PIAS2: variants seen among roughly 807,000 people sequenced by gnomAD.
PIAS2 encodes protein inhibitor of activated STAT 2.
PIAS2 carries 19 observed loss-of-function variants against 69.7 expected under a neutral mutation model. The observed-to-expected ratio is 0.27, with a 90% CI of 0.19 to 0.40. The LOEUF (loss-of-function observed/expected upper bound fraction) is 0.40. Ranked by LOEUF, PIAS2 falls within the 10% of genes least tolerant of loss-of-function variation. The pLI is 1.00. For synonymous variants in PIAS2, 261 were observed against 263.2 expected, an observed-to-expected ratio of 0.99 and a Z score of 0.08; for missense variants, 624 against 757.0, an observed-to-expected ratio of 0.82 and a Z score of 2.06.
At chr18:46,885,206 G>C (rs927385236) in intron 2 of PIAS2, among the ~76,000 whole-genome samples, 1 of 152,074 alleles carries the variant, frequency 6.6e-6, no homozygotes, top group Non-Finnish European at 1.5e-5. Context: ...ATATACTAAT[G>C]TATCTTCTTA....
chr18:46,911,904 A>G (rs1342605721), intron 1 of PIAS2, among the ~76,000 whole-genome samples: 1 of 152,190 alleles, frequency 6.6e-6, no homozygotes, highest in African/African-American at 2.4e-5. Flanking sequence ...TACAAAAATT[A>G]GCCAGGCATG....
At chr18:46,849,011 G>T (rs2046579427) in intron 5 of PIAS2, among the ~76,000 whole-genome samples, 1 of 152,156 alleles carries the variant, frequency 6.6e-6, no homozygotes, top group African/African-American at 2.4e-5. Context: ...AGATAATTCT[G>T]TCTGCTGGTA....
intron 5 of PIAS2, among the ~76,000 whole-genome samples, chr18:46,855,092 C>A (rs2047542488): frequency 8.5e-6 from 1 of 116,970 alleles, no homozygotes; most frequent in Non-Finnish European, 1.7e-5. Flanking sequence ...CACAGTAGGA[C>A]CTTGTCTCTT....
intron 8 of PIAS2, among the ~76,000 whole-genome samples, chr18:46,843,493 T>C (rs2045723281): frequency 6.6e-6 from 1 of 152,194 alleles, no homozygotes; most frequent in Non-Finnish European, 1.5e-5. Flanking sequence ...GGTTTTATTT[T>C]TCAAACTCAA....
chr18:46,813,172 C>T (rs752826719), intron 13 of PIAS2, among the ~76,000 whole-genome samples: 1 of 152,126 alleles, frequency 6.6e-6, no homozygotes, highest in African/African-American at 2.4e-5. Context: ...CATTCTAAAA[C>T]ACAGACTACA....
At chr18:46,815,210 T>C (rs909782829) in intron 13 of PIAS2, 102 bp downstream of exon 13, 6 of 883,436 alleles carry the variant, frequency 6.8e-6, no homozygotes, top group South Asian at 6.0e-5. Flanking sequence ...TGTAAGTAAT[T>C]CAGAGATGAC....
intron 5 of PIAS2, among the ~76,000 whole-genome samples, chr18:46,848,486 G>C (rs191135063): frequency 6.6e-6 from 1 of 151,992 alleles, no homozygotes; most frequent in African/African-American, 2.4e-5. Flanking sequence ...TCTGGATTTC[G>C]GCAATGCTAA....
intron 2 of PIAS2, among the ~76,000 whole-genome samples, chr18:46,884,497 G>A (rs1473521693): frequency 6.6e-6 from 1 of 151,886 alleles, no homozygotes; most frequent in Non-Finnish European, 1.5e-5. Flanking sequence ...GTTTTTAGTA[G>A]AGTCGGGGTT....
intron 8 of PIAS2, among the ~76,000 whole-genome samples, chr18:46,841,390 A>AT (rs971688219): frequency 3.3e-5 from 5 of 152,084 alleles, no homozygotes; most frequent in Non-Finnish European, 7.4e-5. Context: ...CCTGGGATTT[A>AT]TTTTTTTCCT....
chr18:46,898,757 G>C (rs560857383), intron 1 of PIAS2, among the ~76,000 whole-genome samples: 1 of 152,136 alleles, frequency 6.6e-6, no homozygotes, highest in African/African-American at 2.4e-5. Context: ...ACTTTGGGGG[G>C]CTGAGGCAGG....
At chr18:46,878,408 T>C (rs1211461735) in intron 2 of PIAS2, among the ~76,000 whole-genome samples, 1 of 152,250 alleles carries the variant, frequency 6.6e-6, no homozygotes, top group East Asian at 1.9e-4. Context: ...TCACCTACTT[T>C]GTAACATTGA....
At chr18:46,815,476 G>T in intron 12 of PIAS2, 127 bp from the exon 13 acceptor site, 1 of 1,519,578 alleles carries the variant, frequency 6.6e-7, no homozygotes, top group Non-Finnish European at 8.8e-7. Flanking sequence ...TCACAGAGAA[G>T]TTCTATACCA....
chr18:46,826,277 C>A (rs1332811915), intron 11 of PIAS2, among the ~76,000 whole-genome samples: 2 of 152,220 alleles, frequency 1.3e-5, no homozygotes, highest in African/African-American at 4.8e-5. Context: ...ATACTGAGGT[C>A]ATTTCAGATT....
intron 1 of PIAS2, among the ~76,000 whole-genome samples, chr18:46,897,421 C>G (rs2055068836): frequency 6.6e-6 from 1 of 152,072 alleles, no homozygotes; most frequent in Non-Finnish European, 1.5e-5. Context: ...CTCCTAGTAG[C>G]CTAAGATGAG....
intron 1 of PIAS2, among the ~76,000 whole-genome samples, chr18:46,905,333 T>C (rs760210854): frequency 3.3e-5 from 5 of 151,930 alleles, no homozygotes; most frequent in South Asian, 2.1e-4. Flanking sequence ...AACGGAAATA[T>C]CACACACATC....
In PIAS2 at chr18:46,811,447, T is replaced by A. The variant is rs1391737997; in HGVS notation, c.*986A>T. ...CTATTCTGTAAAATAAATGAGAAAA[T>A]TAAGTTGTTGGGAAGAAATTAAATT... is the stretch of plus-strand genomic sequence containing the variant. On this transcript the variant is annotated 3_prime_UTR_variant, in exon 14 of 14. Transcript: ENST00000585916. 6.6e-6 allele frequency: 1 copy of A among 152,122 alleles called. No individual in the cohort carries two copies. The highest frequency in any genetic ancestry group is 1.5e-5 in the Non-Finnish European group (1 of 68,016). 9.4% of individuals were successfully genotyped at this position (152,122 alleles called of 1,614,324 possible).
rs572388411 is a variant in PIAS2, at chr18:46,876,661, T to C, written c.500-12413A>G. On this transcript the variant is annotated intron_variant, in intron 2 of 13. Transcript: ENST00000585916. ...GGTCTTACTGCTTTATCCAATGAACTAGCTAAAAATTCAGGAATAAATGAT... is the reference window on the plus strand; with the variant it reads ...GGTCTTACTGCTTTATCCAATGAACCAGCTAAAAATTCAGGAATAAATGAT... Among the ~76,000 whole-genome samples the C allele has an allele frequency of 3.3e-5, 5 of 151,946 alleles. No individual in the cohort carries two copies. The East Asian group carries it at 9.7e-4, about 29-fold the overall frequency.
intron 1 of PIAS2, among the ~76,000 whole-genome samples, chr18:46,895,173 C>G (rs1383221252): frequency 6.6e-6 from 1 of 151,804 alleles, no homozygotes; most frequent in African/African-American, 2.4e-5. Context: ...CTCTTCAATT[C>G]TAAAACATGA....
At chr18:46,827,082 C>T (rs2144911862) in intron 11 of PIAS2, 1 of 152,076 alleles carries the variant, frequency 6.6e-6, no homozygotes, top group Non-Finnish European at 1.5e-5. Context: ...CTGAATTGTG[C>T]CATTATATAC....
Sources: gnomAD v4.1 joint callset for allele counts (sites outside exome capture counted in the v4.1 genomes callset) on GRCh38, gnomAD v4.1.1 for gene constraint, MANE v1.5 for transcripts, NCBI Gene and HGNC (gene_info 2026-07-23, HGNC 2026-07-21) for gene names.